Variants in XRCC4 observed in about 807,000 individuals in gnomAD.
XRCC4 encodes the protein DNA repair protein XRCC4.
XRCC4 carries 28 observed loss-of-function variants against 39.1 expected under a neutral mutation model. The ratio of observed to expected loss-of-function variants is 0.72; its 90% CI spans 0.53 to 0.98. The LOEUF is 0.98. XRCC4 is among the 50% of genes least tolerant of loss of function. The pLI is 0.00. For missense variants in XRCC4, 350 were observed against 376.4 expected (o/e 0.93, Z 0.58); for synonymous variants, 123 against 126.4 (o/e 0.97, Z 0.18).
At chr5:83,114,178 G>T (rs190613325) in intron 3 of XRCC4, among the ~76,000 whole-genome samples, 1,837 of 152,194 alleles carry the variant, frequency 0.012, 34 homozygotes, top group African/African-American at 0.042. Flanking sequence ...TGTTTTTACC[G>T]CCTAGGCCTC....
At chr5:83,284,149 G>C (rs1165810042) in intron 7 of XRCC4, among the ~76,000 whole-genome samples, 1 of 143,750 alleles carries the variant, frequency 7.0e-6, no homozygotes, top group Admixed American at 7.1e-5. Flanking sequence ...AATTGATATA[G>C]TTTGTTATTG....
intron 6 of XRCC4, among the ~76,000 whole-genome samples, chr5:83,248,541 T>C (rs1025645371): frequency 2.6e-5 from 4 of 152,152 alleles, no homozygotes; most frequent in Non-Finnish European, 5.9e-5. Flanking sequence ...CGTGACAAGT[T>C]TTGTGGACGG....
chr5:83,176,981 T>G (rs1408585076), intron 3 of XRCC4, among the ~76,000 whole-genome samples: 1 of 152,272 alleles, frequency 6.6e-6, no homozygotes, highest in Non-Finnish European at 1.5e-5. Flanking sequence ...TTAGATAAAA[T>G]TATTAAAATA....
At chr5:83,200,416 C>T (rs1341737041) in intron 4 of XRCC4, among the ~76,000 whole-genome samples, 1 of 152,154 alleles carries the variant, frequency 6.6e-6, no homozygotes, top group Non-Finnish European at 1.5e-5. Flanking sequence ...ACCATTCATT[C>T]TATTGACTGT....
intron 7 of XRCC4, among the ~76,000 whole-genome samples, chr5:83,346,364 G>T (rs919635375): frequency 1.3e-5 from 2 of 152,112 alleles, no homozygotes; most frequent in African/African-American, 4.8e-5. Context: ...TTTCTATTGA[G>T]ATTCAGAATA....
intron 7 of XRCC4, among the ~76,000 whole-genome samples, chr5:83,345,972 G>A (rs942412876): frequency 6.6e-6 from 1 of 152,126 alleles, no homozygotes; most frequent in African/African-American, 2.4e-5. Context: ...GTGCCTGTGT[G>A]TGTGTGTTTT....
chr5:83,176,602 A>T (rs1749967915), intron 3 of XRCC4, among the ~76,000 whole-genome samples: 1 of 151,654 alleles, frequency 6.6e-6, no homozygotes, highest in African/African-American at 2.4e-5. Flanking sequence ...TAATTTTAAG[A>T]TACAATAGGC....
chr5:83,191,349 G>A (rs113779383), intron 3 of XRCC4, among the ~76,000 whole-genome samples: 2,213 of 152,188 alleles, frequency 0.015, 62 homozygotes, highest in African/African-American at 0.051. Flanking sequence ...GAATTACAGG[G>A]GCAGGTCTTT....
chr5:83,363,325 A>G, the XRCC4 span, among the ~76,000 whole-genome samples: 2 of 152,122 alleles, frequency 1.3e-5, no homozygotes, highest in African/African-American at 4.8e-5. Context: ...AGGGCTGAGA[A>G]GATAGGGTAG....
chr5:83,224,693 G>A (rs189744827), intron 6 of XRCC4, among the ~76,000 whole-genome samples: 40 of 151,710 alleles, frequency 2.6e-4, no homozygotes, highest in Admixed American at 2.0e-4. Flanking sequence ...TTTGTAATGC[G>A]TGGTGATAAA....
chr5:83,222,788 C>G (rs1163492467), intron 6 of XRCC4, among the ~76,000 whole-genome samples: 1 of 152,072 alleles, frequency 6.6e-6, no homozygotes, highest in East Asian at 1.9e-4. Context: ...CACTTTACCA[C>G]CCAGGCTTGA....
chr5:83,309,471 A>G (rs73138279), intron 7 of XRCC4, among the ~76,000 whole-genome samples: 6,268 of 150,802 alleles, frequency 0.042, 429 homozygotes, highest in African/African-American at 0.14. Context: ...TCTTCTAGAA[A>G]ATGGATTAGG....
chr5:83,234,995 A>ATAT (rs143400351), intron 6 of XRCC4, among the ~76,000 whole-genome samples: 5 of 151,570 alleles, frequency 3.3e-5, no homozygotes, highest in Non-Finnish European at 7.4e-5. Context: ...TATCGCATTA[A>ATAT]TATTATTATT....
rs938921134 is a variant in XRCC4 at position 83,111,312 on chromosome 5, C to T, written c.315+109C>T. ...TATTATTCCCAGAACACCTCAGAAG[C>T]AAAAGCTTGAAAAGTACTTGGTTTC... On this transcript the variant is annotated intron_variant, in intron 3 of 7. Coordinates refer to ENST00000396027, the MANE Select transcript of XRCC4 (RefSeq NM_003401.5). 1.2e-5 allele frequency: 10 copies of T among 852,608 alleles called. No individual in the cohort carries two copies. In the Admixed American group the frequency reaches 2.4e-4, roughly 20 times the overall value. The allele number at this position is 852,608 out of a possible 1,614,324, so 52.8% of individuals were successfully genotyped here. A position where few individuals can be genotyped will look rare whatever the true frequency, so the allele number is the denominator to read the frequency against.
At chr5:83,304,666 C>G (rs550674979) in intron 7 of XRCC4, among the ~76,000 whole-genome samples, 5 of 152,232 alleles carry the variant, frequency 3.3e-5, no homozygotes, top group African/African-American at 1.2e-4. Flanking sequence ...TAGAGAAACT[C>G]TTGGTCAAAT....
At chr5:83,094,342 G>A (rs73138168) in intron 1 of XRCC4, among the ~76,000 whole-genome samples, 6,046 of 66,632 alleles carry the variant, frequency 0.091, 546 homozygotes, top group African/African-American at 0.3. Context: ...CCTTCCCTCC[G>A]CTCCCCTCTC....
At chr5:83,269,715 G>T (rs78709729) in intron 7 of XRCC4, among the ~76,000 whole-genome samples, 5,619 of 152,020 alleles carry the variant, frequency 0.037, 344 homozygotes, top group African/African-American at 0.13. Context: ...TAGGCCTTTT[G>T]TATAATACGG....
intron 7 of XRCC4, among the ~76,000 whole-genome samples, chr5:83,344,415 C>CTTTTTTTTTTTT (rs70973394): frequency 2.6e-5 from 3 of 115,240 alleles, no homozygotes; most frequent in Admixed American, 9.3e-5. Flanking sequence ...TTATTTTTCA[C>CTTTTTTTTTTTT]TTTTTTTTTT....
intron 3 of XRCC4, among the ~76,000 whole-genome samples, chr5:83,157,446 TGC>T (rs1309730775): frequency 6.6e-6 from 1 of 152,110 alleles, no homozygotes; most frequent in African/African-American, 2.4e-5. Context: ...AGGCAAGGCT[TGC>T]CAGGCATTTG....
Sources: allele counts gnomAD v4.1 joint callset (sites outside exome capture counted in the v4.1 genomes callset), GRCh38; gene constraint gnomAD v4.1.1; transcripts MANE v1.5; gene names NCBI Gene and HGNC (gene_info 2026-07-23, HGNC 2026-07-21).